GRM5: variants seen among roughly 807,000 people sequenced by gnomAD.
The protein encoded by GRM5 is metabotropic glutamate receptor 5.
Under a neutral mutation model 83.1 loss-of-function variants are expected in GRM5, and 19 were observed. The observed-to-expected ratio is 0.23, with a 90% CI of 0.16 to 0.34. The LOEUF is 0.34. GRM5 is among the 10% of genes least tolerant of loss of function. The pLI, the probability that GRM5 is intolerant of heterozygous loss-of-function variation, is 1.00. For missense variants in GRM5, 1,160 were observed against 1,588.3 expected, an observed-to-expected ratio of 0.73 and a Z score of 4.58; for synonymous variants, 675 against 633.6, an observed-to-expected ratio of 1.07 and a Z score of -0.98.
At chr11:88,914,364 A>G (rs1334793900) in intron 2 of GRM5, among the ~76,000 whole-genome samples, 1 of 152,212 alleles carries the variant, frequency 6.6e-6, no homozygotes, top group Non-Finnish European at 1.5e-5. Context: ...GACCAATCAC[A>G]TCAAGTTCTC....
intron 2 of GRM5, among the ~76,000 whole-genome samples, chr11:88,907,577 C>T (rs1200102251): frequency 6.6e-6 from 1 of 152,162 alleles, no homozygotes; most frequent in Non-Finnish European, 1.5e-5. Context: ...GCAGTATTTA[C>T]TCATGCGAAT....
chr11:88,838,483 C>T lies in GRM5; in HGVS notation c.911+11423G>A, dbSNP rs2135527819. On this transcript the variant is annotated intron_variant, in intron 3 of 9. Transcript: ENST00000305447. ...AAGCAAGTCCTGTGATTGTTCAGTC[C>T]TGTCTGTGACTGTGGGGATGGAGAA... Among the ~76,000 whole-genome samples, 3 of 152,242 alleles carry T rather than the reference C, an allele frequency of 2.0e-5. No homozygotes were observed. The Middle Eastern group carries it at 0.01, about 518-fold the overall frequency.
chr11:89,063,878 G>A (rs1942049138), intron 1 of GRM5, among the ~76,000 whole-genome samples: 1 of 152,156 alleles, frequency 6.6e-6, no homozygotes, highest in Non-Finnish European at 1.5e-5. Context: ...TGGCAAGGGA[G>A]CTGGAGGCAC....
intron 2 of GRM5, among the ~76,000 whole-genome samples, chr11:88,993,265 C>A (rs372686073): frequency 0.047 from 4,828 of 102,396 alleles, no homozygotes; most frequent in Admixed American, 0.053. Flanking sequence ...GACTCTGTCT[C>A]AAAAAAAAAA....
At chr11:89,042,440 C>T (rs1008394600) in intron 2 of GRM5, among the ~76,000 whole-genome samples, 1 of 152,162 alleles carries the variant, frequency 6.6e-6, no homozygotes, top group African/African-American at 2.4e-5. Context: ...TGTGACCTTT[C>T]TATTTTAGTT....
chr11:88,537,260 G>A lies in GRM5; in HGVS notation c.2631-11856C>T, dbSNP rs146532159. On this transcript the variant is annotated intron_variant, in intron 8 of 9. Coordinates refer to ENST00000305447, the MANE Select transcript of GRM5 (RefSeq NM_001143831.3). ...TCAAATTTGACTACATAATGGTCAA[G>A]TGGAATAAATCACCCTCTGGGCCCC... Among the ~76,000 whole-genome samples the A allele has an allele frequency of 8.5e-3, 1,053 of 123,330 alleles. 17 individuals carry two copies. Among genetic ancestry groups the A allele is most frequent in the African/African-American group, 0.029 (1,014 of 34,860 alleles). The allele number at this position is 123,330 out of a possible 152,430, so 80.9% of individuals were successfully genotyped here.
At chr11:88,665,278 T>C (rs1179772432) in intron 3 of GRM5, among the ~76,000 whole-genome samples, 2 of 152,012 alleles carry the variant, frequency 1.3e-5, no homozygotes, top group East Asian at 3.9e-4. Context: ...AATATTCTGA[T>C]AAAATGTCTA....
At chr11:88,660,285 C>T (rs1487508006) in intron 3 of GRM5, among the ~76,000 whole-genome samples, 2 of 152,154 alleles carry the variant, frequency 1.3e-5, no homozygotes, top group African/African-American at 4.8e-5. Context: ...TCTTGCCTCC[C>T]TAAGATTATT....
intron 8 of GRM5, among the ~76,000 whole-genome samples, chr11:88,551,497 G>A (rs778271295): frequency 6.6e-6 from 1 of 152,116 alleles, no homozygotes; most frequent in Non-Finnish European, 1.5e-5. Flanking sequence ...AAAAGGCTAC[G>A]TGCCCCTTCA....
At chr11:88,946,100 A>G (rs775636530) in intron 2 of GRM5, among the ~76,000 whole-genome samples, 8 of 152,180 alleles carry the variant, frequency 5.3e-5, no homozygotes, top group Non-Finnish European at 8.8e-5. Flanking sequence ...ACTCCTAAAA[A>G]GAAAACATAC....
chr11:89,019,519 A>G (rs1186923245), intron 2 of GRM5, among the ~76,000 whole-genome samples: 1 of 149,080 alleles, frequency 6.7e-6, no homozygotes, highest in Non-Finnish European at 1.5e-5. Flanking sequence ...ATGTGATGAA[A>G]CCCCATCACT....
chr11:88,618,113 C>T (rs1176373184), intron 4 of GRM5, among the ~76,000 whole-genome samples: 1 of 152,180 alleles, frequency 6.6e-6, no homozygotes, highest in Non-Finnish European at 1.5e-5. Context: ...TTTGATAGCA[C>T]TGCAAAGGCT....
At chr11:88,722,443 C>A (rs1486746995) in intron 3 of GRM5, among the ~76,000 whole-genome samples, 2 of 152,070 alleles carry the variant, frequency 1.3e-5, no homozygotes, top group Admixed American at 1.3e-4. Context: ...AGGGAGAACT[C>A]GGAAGTGAGA....
At chr11:88,629,870 G>A (rs1176839483) in intron 4 of GRM5, among the ~76,000 whole-genome samples, 1 of 152,166 alleles carries the variant, frequency 6.6e-6, no homozygotes, top group Non-Finnish European at 1.5e-5. Context: ...TGTCTCAATT[G>A]AGTAAAAGCC....
At chr11:89,044,035 A>C (rs1402925072) in intron 2 of GRM5, among the ~76,000 whole-genome samples, 1 of 152,172 alleles carries the variant, frequency 6.6e-6, no homozygotes, top group Non-Finnish European at 1.5e-5. Flanking sequence ...CCATTAGTAG[A>C]CGTCATCAAT....
At chr11:88,714,511 C>T (rs7479556) in intron 3 of GRM5, among the ~76,000 whole-genome samples, 148,436 of 152,076 alleles carry the variant, frequency 0.98, 72,557 homozygotes, top group East Asian at 1. Flanking sequence ...AAGCATATAT[C>T]ATAGTTTACA....
At chr11:88,814,740 A>G (rs2135501469) in intron 3 of GRM5, among the ~76,000 whole-genome samples, 1 of 152,314 alleles carries the variant, frequency 6.6e-6, no homozygotes, top group East Asian at 1.9e-4. Context: ...CAATATCTGA[A>G]TTGCAATTTA....
At chr11:88,537,982 G>T (rs1010916130) in intron 8 of GRM5, among the ~76,000 whole-genome samples, 7 of 151,440 alleles carry the variant, frequency 4.6e-5, no homozygotes, top group Non-Finnish European at 7.4e-5. Context: ...GAATTAAAAA[G>T]TAAAAAATCA....
chr11:88,689,081 G>A (rs935144912), intron 3 of GRM5, among the ~76,000 whole-genome samples: 2 of 151,876 alleles, frequency 1.3e-5, no homozygotes, highest in African/African-American at 4.8e-5. Context: ...AATATTTGTT[G>A]AATAAATAAA....
Sources: allele counts gnomAD v4.1 joint callset (sites outside exome capture counted in the v4.1 genomes callset), GRCh38; gene constraint gnomAD v4.1.1; transcripts MANE v1.5; gene names NCBI Gene and HGNC (gene_info 2026-07-23, HGNC 2026-07-21).